Variants in OSBPL1A observed in about 807,000 individuals in gnomAD.
The protein encoded by OSBPL1A is oxysterol-binding protein-related protein 1.
OSBPL1A carries 80 observed loss-of-function variants against 137.1 expected under a neutral mutation model. That is an observed-to-expected ratio of 0.58 (90% CI 0.49 to 0.70). The LOEUF (loss-of-function observed/expected upper bound fraction) is 0.70, where lower values mean the gene tolerates loss of function less well. OSBPL1A is among the 30% of genes least tolerant of loss of function. The probability of loss-of-function intolerance (pLI) is 0.00; values close to 1 mark genes in which losing one functional copy is unlikely to be tolerated. For synonymous variants in OSBPL1A, 365 were observed against 389.7 expected (o/e 0.94, Z 0.75); for missense variants, 970 against 1,129.4 (o/e 0.86, Z 2.02).
chr18:24,365,103 T>C (rs1228956584), intron 4 of OSBPL1A, among the ~76,000 whole-genome samples: 3 of 142,160 alleles, frequency 2.1e-5, no homozygotes, highest in Non-Finnish European at 4.6e-5. Flanking sequence ...ATCTAGGCAA[T>C]ACAATGCAAA....
intron 4 of OSBPL1A, among the ~76,000 whole-genome samples, chr18:24,354,421 C>CG (rs143099704): frequency 0.12 from 18,072 of 152,140 alleles, 1,362 homozygotes; most frequent in African/African-American, 0.22. Flanking sequence ...AGCAGGAACA[C>CG]GGGGGAACAC....
chr18:24,180,510 C>G (rs1196637429), intron 19 of OSBPL1A, among the ~76,000 whole-genome samples: 1 of 151,618 alleles, frequency 6.6e-6, no homozygotes, highest in Non-Finnish European at 1.5e-5. Flanking sequence ...CTTGGAAACA[C>G]CCCGAGAAAG....
intron 17 of OSBPL1A, among the ~76,000 whole-genome samples, chr18:24,219,123 T>C (rs1183866941): frequency 6.6e-6 from 1 of 151,288 alleles, no homozygotes; most frequent in African/African-American, 2.4e-5. Flanking sequence ...CAAGGCCTCA[T>C]ATCTGGAAAA....
chr18:24,205,270 C>T (rs1283816828), intron 17 of OSBPL1A, among the ~76,000 whole-genome samples: 23 of 152,192 alleles, frequency 1.5e-4, no homozygotes, highest in Non-Finnish European at 3.4e-4. Flanking sequence ...TTCCAAACCT[C>T]GGTTTTTCTT....
intron 17 of OSBPL1A, among the ~76,000 whole-genome samples, chr18:24,216,752 C>T (rs1599507060): frequency 1.3e-5 from 2 of 151,732 alleles, no homozygotes; most frequent in Admixed American, 6.6e-5. Context: ...TAGGGTTCAT[C>T]GGTTATTTTT....
intron 14 of OSBPL1A, among the ~76,000 whole-genome samples, chr18:24,289,401 G>A (rs1017899117): frequency 2.4e-5 from 3 of 125,224 alleles, no homozygotes; most frequent in African/African-American, 8.6e-5. Flanking sequence ...ATTCCAGACT[G>A]TTTATTGTTT....
chr18:24,175,899 A>G (rs867129960), intron 21 of OSBPL1A, among the ~76,000 whole-genome samples: 2 of 152,256 alleles, frequency 1.3e-5, no homozygotes, highest in Admixed American at 1.3e-4. Context: ...GGAAAGGACT[A>G]TTCTTCTTAG....
chr18:24,268,529 T>TTG (rs2089638790), intron 15 of OSBPL1A, among the ~76,000 whole-genome samples: 1 of 151,958 alleles, frequency 6.6e-6, no homozygotes, highest in South Asian at 2.1e-4. Flanking sequence ...TACCCCATTT[T>TTG]TTTTTGTTTT....
In OSBPL1A at chr18:24,239,273, C is replaced by T. The variant is rs1244473246; in HGVS notation, c.1391G>A (p.Gly464Asp). The change falls in exon 16 of 28, where the codon GGC (glycine) becomes GAC (aspartate). Residue 464 changes from glycine to aspartate, a missense_variant. Around this residue, in one of 2 missense-constraint regions of OSBPL1A, gnomAD observed 647 missense variants for 672.6 expected, o/e 0.96. Coordinates refer to ENST00000319481, the MANE Select transcript of OSBPL1A (RefSeq NM_080597.4). ...GCTAAGGATGCTGGCGGGTGGAGAGCCTTTCACCAGAGACTGCTCTAATTC... is the reference window on the plus strand; with the variant it reads ...GCTAAGGATGCTGGCGGGTGGAGAGTCTTTCACCAGAGACTGCTCTAATTC... ...HHELEQSLVK[G>D]SPPASILSED... 1 of 1,614,070 alleles carries T rather than the reference C, an allele frequency of 6.2e-7. No individual in the cohort carries two copies. Among genetic ancestry groups the T allele is most frequent in the Admixed American group, 1.7e-5 (1 of 59,998 alleles).
At chr18:24,275,700 C>G (rs1282017675) in intron 15 of OSBPL1A, among the ~76,000 whole-genome samples, 2 of 151,672 alleles carry the variant, frequency 1.3e-5, no homozygotes, top group East Asian at 3.9e-4. Flanking sequence ...TGAATCTTTC[C>G]ATTATACCAC....
intron 17 of OSBPL1A, among the ~76,000 whole-genome samples, chr18:24,212,797 A>G (rs1036570145): frequency 2.6e-5 from 4 of 152,258 alleles, no homozygotes; most frequent in African/African-American, 9.6e-5. Context: ...TATATGAAAT[A>G]CTTGGCAAGT....
intron 15 of OSBPL1A, among the ~76,000 whole-genome samples, chr18:24,256,310 G>A (rs1196450863): frequency 6.6e-6 from 1 of 152,054 alleles, no homozygotes; most frequent in Non-Finnish European, 1.5e-5. Flanking sequence ...CCCAGGGATG[G>A]TACAACATAT....
At chr18:24,385,452 T>C (rs919120839) in intron 1 of OSBPL1A, among the ~76,000 whole-genome samples, 2 of 152,100 alleles carry the variant, frequency 1.3e-5, no homozygotes, top group African/African-American at 4.8e-5. Context: ...TAAGTGGTCA[T>C]TAAAATCAAT....
chr18:24,254,308 A>T (rs1297582065), intron 15 of OSBPL1A, among the ~76,000 whole-genome samples: 2 of 152,206 alleles, frequency 1.3e-5, no homozygotes, highest in Admixed American at 6.5e-5. Context: ...GAAAATCAAC[A>T]AAGAAACATC....
intron 17 of OSBPL1A, among the ~76,000 whole-genome samples, chr18:24,197,211 G>A (rs984422361): frequency 2.0e-5 from 3 of 152,142 alleles, no homozygotes; most frequent in Non-Finnish European, 4.4e-5. Context: ...GCCACGTGTG[G>A]TAGTGCACGC....
At chr18:24,359,502 G>A (rs1161221158) in intron 4 of OSBPL1A, among the ~76,000 whole-genome samples, 1 of 151,736 alleles carries the variant, frequency 6.6e-6, no homozygotes, top group East Asian at 1.9e-4. Context: ...GACCAGCCTG[G>A]GCAACACGGT....
chr18:24,290,489 T>G (rs2090156286), intron 14 of OSBPL1A, among the ~76,000 whole-genome samples: 3 of 152,106 alleles, frequency 2.0e-5, no homozygotes, highest in Admixed American at 6.5e-5. Context: ...AAAACCAGCC[T>G]GGGCGACACG....
At chr18:24,243,160 A>G (rs2088765180) in intron 15 of OSBPL1A, among the ~76,000 whole-genome samples, 1 of 152,160 alleles carries the variant, frequency 6.6e-6, no homozygotes, top group Non-Finnish European at 1.5e-5. Context: ...CCTGAGGTGG[A>G]GGTTGCAGTG....
At chr18:24,197,253 A>G (rs2087060889) in intron 17 of OSBPL1A, among the ~76,000 whole-genome samples, 1 of 152,184 alleles carries the variant, frequency 6.6e-6, no homozygotes, top group South Asian at 2.1e-4. Context: ...AGGCTGAGAC[A>G]GGAGAATCAC....
Sources: allele counts gnomAD v4.1 joint callset (sites outside exome capture counted in the v4.1 genomes callset), GRCh38; gene constraint gnomAD v4.1.1; regional missense constraint gnomAD v4.1.1; transcripts MANE v1.5; gene names NCBI Gene and HGNC (gene_info 2026-07-23, HGNC 2026-07-21).